The following LRRC56 variants were observed in gnomAD, a reference collection of about 807,000 sequenced individuals.
LRRC56 encodes the protein leucine-rich repeat-containing protein 56.
A neutral mutation model predicts 47.8 loss-of-function variants in LRRC56; 41 were observed. The observed-to-expected ratio is 0.86, with a 90% confidence interval of 0.67 to 1.11. The LOEUF (loss-of-function observed/expected upper bound fraction) is 1.11, where lower values mean the gene tolerates loss of function less well. LRRC56 is among the 50% of genes most tolerant of loss of function. The pLI is 0.00. For missense variants in LRRC56, 759 were observed against 704.2 expected, an observed-to-expected ratio of 1.08 and a Z score of -0.88; for synonymous variants, 387 against 311.2, an observed-to-expected ratio of 1.24 and a Z score of -2.56.
In LRRC56 at chr11:540,834, G is replaced by A. The variant is rs1267391531; in HGVS notation, c.150G>A (p.Val50=). ...GGGACAGACTTGGAGAGCAGCTGGTGGAAGAGTACCTGTCCCCTGCCCGGC... is the reference window on the plus strand; with the variant it reads ...GGGACAGACTTGGAGAGCAGCTGGTAGAAGAGTACCTGTCCCCTGCCCGGC... ...SQRDRLGEQL[V]EEYLSPARLQ... is the part of the protein sequence containing the mutation. The change falls in exon 4 of 14, where the codon GTG becomes GTA. Residue 50 remains valine (V), a synonymous_variant. Coordinates refer to ENST00000270115, the MANE Select transcript of LRRC56 (RefSeq NM_198075.4). 1 of 1,582,510 alleles carries A rather than the reference G, an allele frequency of 6.3e-7. No homozygotes were observed. Among genetic ancestry groups the A allele is most frequent in the South Asian group, 1.2e-5 (1 of 86,922 alleles).
At chr11:518,990 G>C in the LRRC56 span, among the ~76,000 whole-genome samples, 30,496 of 151,928 alleles carry the variant, frequency 0.2, 3,153 homozygotes, top group Middle Eastern at 0.29. Context: ...GCGCGCTTAC[G>C]AGGGCGCGCG....
the LRRC56 span, among the ~76,000 whole-genome samples, chr11:521,467 C>T: frequency 5.3e-5 from 8 of 152,276 alleles, 1 homozygote; most frequent in South Asian, 1.7e-3. Context: ...CACCACTGTG[C>T]CCAGCTAATT....
At chr11:543,522 G>T (rs2134033049) in intron 5 of LRRC56, among the ~76,000 whole-genome samples, 1 of 152,176 alleles carries the variant, frequency 6.6e-6, no homozygotes, top group South Asian at 2.1e-4. Flanking sequence ...GCCCCACAGT[G>T]ACCTTTAGAG....
the LRRC56 span, among the ~76,000 whole-genome samples, chr11:523,257 G>A: frequency 4.2e-5 from 6 of 143,548 alleles, no homozygotes; most frequent in East Asian, 2.1e-4. Flanking sequence ...TCGAACTCCC[G>A]AACTCAGGTG....
At chr11:510,605 G>A in the LRRC56 span, among the ~76,000 whole-genome samples, 1 of 152,156 alleles carries the variant, frequency 6.6e-6, no homozygotes, top group Non-Finnish European at 1.5e-5. Context: ...AGGCATGGTG[G>A]CACATGCCTG....
At chr11:507,267 G>T in the LRRC56 span, 1 of 151,826 alleles carries the variant, frequency 6.6e-6, no homozygotes, top group African/African-American at 2.4e-5. Flanking sequence ...GCGTGGTCAG[G>T]TGCGTGGGCG....
the LRRC56 span, among the ~76,000 whole-genome samples, chr11:518,061 C>T: frequency 6.6e-6 from 1 of 152,202 alleles, no homozygotes; most frequent in Non-Finnish European, 1.5e-5. Context: ...CCTAGGAAAA[C>T]CAGAGACCTT....
the LRRC56 span, among the ~76,000 whole-genome samples, chr11:530,942 C>G: frequency 0.026 from 431 of 16,352 alleles, no homozygotes; most frequent in Admixed American, 0.055. Context: ...GTCCCCTGGA[C>G]AGAAGGGGGA....
upstream of LRRC56, chr11:532,878 C>T: frequency 1.1e-6 from 1 of 931,914 alleles, no homozygotes; most frequent in Non-Finnish European, 1.7e-6. Context: ...AGCCACTTCC[C>T]CAGGCCCACC....
At chr11:518,221 C>T in the LRRC56 span, among the ~76,000 whole-genome samples, 7 of 151,586 alleles carry the variant, frequency 4.6e-5, no homozygotes, top group East Asian at 1.9e-4. Flanking sequence ...CTCGCTCTGT[C>T]GCCTAGGCTG....
In LRRC56 at chr11:554,079, C is replaced by T. The variant is rs754979280; in HGVS notation, c.1432C>T (p.Arg478Trp). 8.1e-6 allele frequency: 13 copies of T among 1,608,736 alleles called. No individual in the cohort carries two copies. Among genetic ancestry groups the T allele is most frequent in the African/African-American group, 5.3e-5 (4 of 74,862 alleles). Residue 478 changes from arginine (R) to tryptophan (W), a missense_variant, in exon 14 of 14, where the codon CGG (arginine) becomes TGG (tryptophan). Coordinates refer to ENST00000270115, the MANE Select transcript of LRRC56 (RefSeq NM_198075.4). ...GACAGACCTGCAGTCCAGGGGGCGT[C>T]GGCTCCGAGTCCTGGGCAGCTGGGG... ...WSTDLQSRGR[R>W]LRVLGSWGPG...
At chr11:534,378 G>T, upstream of LRRC56, 1 of 1,390,526 alleles carries the variant, frequency 7.2e-7, no homozygotes, top group Non-Finnish European at 1.0e-6. Context: ...TGCCCCACCT[G>T]CCAAGGAGGG....
intron 5 of LRRC56, among the ~76,000 whole-genome samples, chr11:542,215 TACCCCCGGCACGCTCAGTGCCCCACAC>T (rs1851829688): frequency 7.1e-6 from 1 of 140,362 alleles, no homozygotes. Context: ...CCCACGCCAG[TACCCCCGGCACGCTCAGTGCCCCACAC>T]ACCCACGCCA....
At chr11:531,174 C>G in the LRRC56 span, among the ~76,000 whole-genome samples, 128 of 144,666 alleles carry the variant, frequency 8.8e-4, no homozygotes, top group African/African-American at 3.2e-3. Context: ...GAGAGAAGGG[C>G]GAGTGTGGTG....
the LRRC56 span, among the ~76,000 whole-genome samples, chr11:514,939 C>T: frequency 5.3e-5 from 8 of 152,324 alleles, no homozygotes; most frequent in East Asian, 1.5e-3. Flanking sequence ...CCCACAGAGG[C>T]GGTGGAGCCC....
the LRRC56 span, among the ~76,000 whole-genome samples, chr11:518,905 G>GGGT: frequency 6.6e-6 from 1 of 151,954 alleles, no homozygotes; most frequent in African/African-American, 2.4e-5. Context: ...ACCGGGGCGG[G>GGGT]GGGGCGTGTC....
At chr11:547,768 G>A (rs1852165492) in intron 6 of LRRC56, among the ~76,000 whole-genome samples, 1 of 152,140 alleles carries the variant, frequency 6.6e-6, no homozygotes, top group African/African-American at 2.4e-5. Flanking sequence ...AATTAAATAT[G>A]ATGCACTACC....
At chr11:548,413 C>T in intron 6 of LRRC56, among the ~76,000 whole-genome samples, 1 of 151,928 alleles carries the variant, frequency 6.6e-6, no homozygotes, top group South Asian at 2.1e-4. Context: ...CCTGAAGTGC[C>T]AGGATTACAG....
At chr11:525,267 C>T in the LRRC56 span, among the ~76,000 whole-genome samples, 12 of 149,250 alleles carry the variant, frequency 8.0e-5, no homozygotes, top group East Asian at 2.1e-4. Context: ...AGGCCAGGCA[C>T]GGTGGCTCAC....
Sources: gnomAD v4.1 joint callset for allele counts (sites outside exome capture counted in the v4.1 genomes callset) on GRCh38, gnomAD v4.1.1 for gene constraint, MANE v1.5 for transcripts, NCBI Gene and HGNC (gene_info 2026-07-23, HGNC 2026-07-21) for gene names.